Variants in TRIQK observed in about 807,000 individuals in gnomAD.
TRIQK encodes triple QxxK/R motif-containing protein.
TRIQK carries 10 observed loss-of-function variants against 10.8 expected under a neutral mutation model. The observed-to-expected ratio is 0.92, with a 90% CI of 0.57 to 1.57. The LOEUF (loss-of-function observed/expected upper bound fraction) is 1.57. Among genes scored for constraint, TRIQK ranks in the 40% most tolerant of loss-of-function variants. The probability of loss-of-function intolerance (pLI) is 0.00; values close to 1 mark genes in which losing one functional copy is unlikely to be tolerated. For synonymous variants in TRIQK, 33 were observed against 33.7 expected, an observed-to-expected ratio of 0.98 and a Z score of 0.07; for missense variants, 107 against 97.7, an observed-to-expected ratio of 1.09 and a Z score of -0.40.
At chr8:92,929,014 CT>C (rs1475074856) in intron 2 of TRIQK, among the ~76,000 whole-genome samples, 1 of 152,052 alleles carries the variant, frequency 6.6e-6, no homozygotes, top group Non-Finnish European at 1.5e-5. Flanking sequence ...TGGTGTTTTA[CT>C]TTTTAGAATA....
chr8:92,977,532 C>T (rs1367709960), intron 1 of TRIQK, among the ~76,000 whole-genome samples: 3 of 152,068 alleles, frequency 2.0e-5, no homozygotes, highest in South Asian at 2.1e-4. Context: ...CTGTATCTTT[C>T]CTTAACATAC....
chr8:92,966,525 T>A (rs1025193656), upstream of TRIQK, among the ~76,000 whole-genome samples: 2 of 152,160 alleles, frequency 1.3e-5, no homozygotes, highest in Non-Finnish European at 2.9e-5. Flanking sequence ...AAAATCGTTT[T>A]ATATTAACAT....
At chr8:92,890,029 T>C (rs1015996737) in intron 4 of TRIQK, among the ~76,000 whole-genome samples, 1 of 151,848 alleles carries the variant, frequency 6.6e-6, no homozygotes. Flanking sequence ...GAGTACAATA[T>C]GCTTGTTGTT....
At chr8:92,970,888 G>A (rs1443771205), upstream of TRIQK, among the ~76,000 whole-genome samples, 1 of 152,084 alleles carries the variant, frequency 6.6e-6, no homozygotes, top group Non-Finnish European at 1.5e-5. Context: ...TGTCCTGAAT[G>A]GTACTGCCTA....
chr8:93,008,401 T>C lies in TRIQK; in HGVS notation c.-181+9208A>G, dbSNP rs184104552. Among the ~76,000 whole-genome samples the C allele has an allele frequency of 2.5e-3, 380 of 152,264 alleles. 2 individuals are homozygous for C. Among genetic ancestry groups the C allele is most frequent in the African/African-American group, 7.9e-3 (329 of 41,546 alleles). On this transcript the variant is annotated intron_variant, in intron 1 of 4. Coordinates refer to the TRIQK transcript ENST00000520686. ...ATTAATGCCATTAAAATTTCCATACTACTCAAAGTCATCTACATATTCAAT... is the reference window on the plus strand; with the variant it reads ...ATTAATGCCATTAAAATTTCCATACCACTCAAAGTCATCTACATATTCAAT...
chr8:92,952,418 AAC>A (rs143129049), intron 2 of TRIQK, among the ~76,000 whole-genome samples: 44 of 147,872 alleles, frequency 3.0e-4, no homozygotes, highest in South Asian at 1.1e-3. Flanking sequence ...ACAAAGATAA[AAC>A]ACACACACAC....
intron 1 of TRIQK, among the ~76,000 whole-genome samples, chr8:92,964,066 T>A (rs2130722723): frequency 6.6e-6 from 1 of 152,170 alleles, no homozygotes; most frequent in Non-Finnish European, 1.5e-5. Context: ...ACATTAGTAG[T>A]TCCCGTTTGT....
intron 1 of TRIQK, among the ~76,000 whole-genome samples, chr8:92,989,599 A>G (rs1193935092): frequency 1.3e-5 from 2 of 152,218 alleles, no homozygotes; most frequent in East Asian, 1.9e-4. Context: ...GATGGGACCA[A>G]CTAGTTGCAG....
At chr8:93,015,329 A>G (rs772722105) in intron 1 of TRIQK, among the ~76,000 whole-genome samples, 48 of 151,984 alleles carry the variant, frequency 3.2e-4, no homozygotes, top group Non-Finnish European at 5.3e-4. Flanking sequence ...TAATACTACA[A>G]AGCAAATTTA....
intron 3 of TRIQK, among the ~76,000 whole-genome samples, chr8:92,899,298 T>G (rs2130329529): frequency 6.6e-6 from 1 of 152,156 alleles, no homozygotes; most frequent in South Asian, 2.1e-4. Flanking sequence ...TTCATTATTT[T>G]TAAATGTACA....
intron 1 of TRIQK, among the ~76,000 whole-genome samples, chr8:92,972,324 C>T (rs1353347535): frequency 1.3e-5 from 2 of 151,202 alleles, no homozygotes; most frequent in Non-Finnish European, 2.9e-5. Context: ...TCATTTTTAC[C>T]TTTCTCCTCC....
At chr8:92,890,053 T>C (rs926954784) in intron 4 of TRIQK, among the ~76,000 whole-genome samples, 1 of 151,766 alleles carries the variant, frequency 6.6e-6, no homozygotes, top group Non-Finnish European at 1.5e-5. Flanking sequence ...TAGTCCTTAG[T>C]TGCTTCTCTG....
intron 3 of TRIQK, among the ~76,000 whole-genome samples, chr8:92,906,508 C>T (rs1475562580): frequency 6.6e-6 from 1 of 152,054 alleles, no homozygotes. Flanking sequence ...TCATAAGTTA[C>T]AACTACTATG....
intron 2 of TRIQK, among the ~76,000 whole-genome samples, chr8:92,917,911 TTA>T (rs999713448): frequency 6.6e-6 from 1 of 152,046 alleles, no homozygotes; most frequent in African/African-American, 2.4e-5. Context: ...CTGGTAGCCA[TTA>T]TTCTACTCTC....
At chr8:92,992,873 G>A (rs760495263) in intron 1 of TRIQK, among the ~76,000 whole-genome samples, 2 of 152,180 alleles carry the variant, frequency 1.3e-5, no homozygotes, top group Non-Finnish European at 2.9e-5. Flanking sequence ...CACTGAAATG[G>A]TGACACCAAT....
intron 1 of TRIQK, among the ~76,000 whole-genome samples, chr8:93,002,373 A>G (rs1039497568): frequency 6.6e-6 from 1 of 152,162 alleles, no homozygotes; most frequent in Non-Finnish European, 1.5e-5. Flanking sequence ...TAGCTAGACT[A>G]TCAAAAAAGA....
chr8:92,971,196 A>G (rs1005127284), intron 1 of TRIQK, among the ~76,000 whole-genome samples: 3 of 152,096 alleles, frequency 2.0e-5, no homozygotes, highest in Non-Finnish European at 4.4e-5. Flanking sequence ...TGGTTACTGT[A>G]GCCTTGTAGT....
At chr8:92,942,348 C>A (rs938514477) in intron 2 of TRIQK, among the ~76,000 whole-genome samples, 1 of 152,108 alleles carries the variant, frequency 6.6e-6, no homozygotes, top group Admixed American at 6.6e-5. Flanking sequence ...TTCAACATCC[C>A]CTCATGATAA....
At chr8:92,954,124 TAACA>T (rs1812052682) in intron 2 of TRIQK, 1 of 151,980 alleles carries the variant, frequency 6.6e-6, no homozygotes, top group African/African-American at 2.4e-5. Flanking sequence ...AACAAATCTT[TAACA>T]GACAATTGAT....
Sources: gnomAD v4.1 joint callset for allele counts (sites outside exome capture counted in the v4.1 genomes callset) on GRCh38, gnomAD v4.1.1 for gene constraint, MANE v1.5 for transcripts, NCBI Gene and HGNC (gene_info 2026-07-23, HGNC 2026-07-21) for gene names.